The following HMGB1 variants were observed in gnomAD, a reference collection of about 807,000 sequenced individuals.
HMGB1 encodes the protein high mobility group protein B1.
For synonymous variants in HMGB1, 81 were observed against 84.0 expected, an observed-to-expected ratio of 0.96 and a Z score of 0.19; for missense variants, 79 against 253.5, an observed-to-expected ratio of 0.31 and a Z score of 4.67.
intron 1 of HMGB1, among the ~76,000 whole-genome samples, chr13:30,497,352 G>A (rs879450329): frequency 4.0e-5 from 6 of 151,794 alleles, no homozygotes; most frequent in South Asian, 4.2e-4. Context: ...TCAGCCTCCC[G>A]AGTAGCTGGG....
intron 1 of HMGB1, among the ~76,000 whole-genome samples, chr13:30,605,910 G>A (rs1950453676): frequency 6.6e-6 from 1 of 152,090 alleles, no homozygotes; most frequent in African/African-American, 2.4e-5. Context: ...ATATACCTCG[G>A]ATGTATCTCC....
intron 1 of HMGB1, among the ~76,000 whole-genome samples, chr13:30,604,700 C>A (rs112651843): frequency 1.3e-5 from 2 of 152,330 alleles, no homozygotes; most frequent in African/African-American, 4.8e-5. Flanking sequence ...CTCTGTCGCC[C>A]GGGCTGGAGT....
intron 1 of HMGB1, chr13:30,553,689 C>T (rs1340129773): frequency 5.5e-5 from 47 of 860,352 alleles, no homozygotes; most frequent in South Asian, 3.8e-4. Flanking sequence ...CATCATTGAG[C>T]GGGAGTTCAA....
chr13:30,583,454 C>T (rs1315960994), intron 1 of HMGB1, among the ~76,000 whole-genome samples: 2 of 148,446 alleles, frequency 1.3e-5, no homozygotes. Context: ...TCACTTGAGC[C>T]CTGGAGGTCA....
Position 30,588,881 on chromosome 13 carries a change from C to A in HMGB1, c.-15+27790G>T, listed in dbSNP as rs149421352. ...GCAGTGAGCCGACATCGCGCCACTG[C>A]ACTCCAGCCTGGGTGACAGAGCAAG... On this transcript the variant is annotated intron_variant, in intron 1 of 4. Transcript: ENST00000405805. Among the ~76,000 whole-genome samples, 534 of 152,062 alleles carry A rather than the reference C, an allele frequency of 3.5e-3. 1 individual carries two copies. The highest frequency in any genetic ancestry group is 0.011 in the African/African-American group (458 of 41,492).
chr13:30,513,003 A>G (rs1347385394), intron 1 of HMGB1, among the ~76,000 whole-genome samples: 6 of 152,092 alleles, frequency 3.9e-5, no homozygotes, highest in African/African-American at 1.4e-4. Context: ...TCTCTAATAC[A>G]AATACAAAAA....
chr13:30,463,473 ATCC>A (rs1343802361), intron 2 of HMGB1, 55 bp downstream of exon 2: 6 of 1,558,572 alleles, frequency 3.8e-6, no homozygotes, highest in African/African-American at 2.8e-5. Flanking sequence ...TTTTTTTTGC[ATCC>A]TCAATTGGAA....
At chr13:30,561,892 G>T (rs1282199332) in intron 1 of HMGB1, among the ~76,000 whole-genome samples, 1 of 151,968 alleles carries the variant, frequency 6.6e-6, no homozygotes, top group African/African-American at 2.4e-5. Flanking sequence ...ATGAGGGAGG[G>T]GCCAGAAGGA....
chr13:30,516,962 G>T lies in HMGB1; in HGVS notation c.-14-53268C>A, dbSNP rs1289302513. On this transcript the variant is annotated intron_variant, in intron 1 of 4. Coordinates refer to the HMGB1 transcript ENST00000405805. ...CAGAATTTTAGGCTAGGGTTCTTGT[G>T]CTTTTAAATACATAAATGCTAAAAA... 3.9e-5 allele frequency among the ~76,000 whole-genome samples: 6 copies of T among 152,104 alleles called. No homozygotes were observed. In the East Asian group the frequency reaches 1.2e-3, roughly 29 times the overall value.
chr13:30,505,148 ATATT>A (rs1292937537), intron 1 of HMGB1, among the ~76,000 whole-genome samples: 46 of 84,196 alleles, frequency 5.5e-4, no homozygotes, highest in Admixed American at 4.3e-4. Flanking sequence ...TTATATATAT[ATATT>A]TATATATTTG....
At chr13:30,597,705 T>C (rs1871678555) in intron 1 of HMGB1, among the ~76,000 whole-genome samples, 1 of 152,236 alleles carries the variant, frequency 6.6e-6, no homozygotes, top group Admixed American at 6.5e-5. Context: ...AAAGGTCAGA[T>C]AGTAAACATT....
At chr13:30,574,846 T>C (rs974605521) in intron 1 of HMGB1, among the ~76,000 whole-genome samples, 3 of 152,248 alleles carry the variant, frequency 2.0e-5, no homozygotes, top group Admixed American at 6.5e-5. Flanking sequence ...CCAGACTTTT[T>C]AATTTAATAC....
In HMGB1 at chr13:30,458,168, G is replaced by T. The variant is rs1480706285; in HGVS notation, c.*3189C>A. On this transcript the variant is annotated 3_prime_UTR_variant, in exon 5 of 5. Coordinates refer to ENST00000341423, the MANE Select transcript of HMGB1 (RefSeq NM_002128.7). Reference sequence around the variant, plus strand: ...GAAAGCTATCAGACCCTTTCAGGAGGCGTGTTGTACCAAGCAGACCTAAAT... The same window carrying T: ...GAAAGCTATCAGACCCTTTCAGGAGTCGTGTTGTACCAAGCAGACCTAAAT... The T allele has an allele frequency of 1.3e-5, 2 of 152,100 alleles. No individual in the cohort carries two copies. Among genetic ancestry groups the T allele is most frequent in the African/African-American group, 2.4e-5 (1 of 41,392 alleles). The allele number at this position is 152,100 out of a possible 1,614,324, so 9.4% of individuals were successfully genotyped here.
intron 1 of HMGB1, among the ~76,000 whole-genome samples, chr13:30,478,866 CTTTTCTT>C (rs1887161910): frequency 2.2e-5 from 3 of 133,850 alleles, no homozygotes; most frequent in Non-Finnish European, 3.4e-5. Context: ...CTTTTCTTTT[CTTTTCTT>C]TTTTTTTTTT....
At chr13:30,610,870 A>G (rs920424518) in intron 1 of HMGB1, among the ~76,000 whole-genome samples, 3 of 152,232 alleles carry the variant, frequency 2.0e-5, no homozygotes, top group African/African-American at 7.2e-5. Flanking sequence ...GGTGAGAACC[A>G]TATATTAAAG....
chr13:30,590,680 C>A (rs565965177), intron 1 of HMGB1, among the ~76,000 whole-genome samples: 24 of 152,310 alleles, frequency 1.6e-4, no homozygotes, highest in Admixed American at 1.4e-3. Flanking sequence ...ATGTTGAAAT[C>A]TTAATCCTCA....
rs1869873681 is a variant in HMGB1 at position 30,559,891 on chromosome 13, C to CA, written c.-15+56779dup. Among the ~76,000 whole-genome samples, 1 of 152,076 alleles carries CA rather than the reference C, an allele frequency of 6.6e-6. No homozygotes were observed. Among genetic ancestry groups the CA allele is most frequent in the Non-Finnish European group, 1.5e-5 (1 of 68,006 alleles). On this transcript the variant is annotated intron_variant, in intron 1 of 4. Coordinates refer to the HMGB1 transcript ENST00000405805. This position sits in a 1 kb window ranked among gnomAD's most constrained non-coding sequence, Gnocchi z 6.6. ...CTAAGATGAATATGCATTCATTCAC[C>CA]AAAATCTCATATTCCCAAAAAGCAG...
At chr13:30,564,107 G>T (rs1200494685) in intron 1 of HMGB1, among the ~76,000 whole-genome samples, 1 of 151,884 alleles carries the variant, frequency 6.6e-6, no homozygotes, top group African/African-American at 2.4e-5. Context: ...AATGAAAAGT[G>T]GACAAATGAT....
At chr13:30,503,647 C>A in intron 1 of HMGB1, among the ~76,000 whole-genome samples, 1 of 106,422 alleles carries the variant, frequency 9.4e-6, no homozygotes, top group Non-Finnish European at 1.9e-5. Context: ...TACTCAGCTT[C>A]TTTTTTTTTT....
Sources: allele counts gnomAD v4.1 joint callset (sites outside exome capture counted in the v4.1 genomes callset), GRCh38; gene constraint gnomAD v4.1.1; non-coding constraint Gnocchi (gnomAD v3.1); transcripts MANE v1.5; gene names NCBI Gene and HGNC (gene_info 2026-07-23, HGNC 2026-07-21).